Variants in C8orf34 observed in about 807,000 individuals in gnomAD.
C8orf34 encodes chromosome 8 open reading frame 34.
In C8orf34, 65 loss-of-function variants were observed where a neutral mutation model predicts 68.3. The observed-to-expected ratio is 0.95, with a 90% CI of 0.78 to 1.17. The LOEUF is 1.17. Among genes scored for constraint, C8orf34 ranks in the 50% most tolerant of loss-of-function variants. C8orf34 has a pLI of 0.00. For missense variants in C8orf34, 664 were observed against 655.4 expected (o/e 1.01, Z -0.14); for synonymous variants, 244 against 241.2 (o/e 1.01, Z -0.11).
intron 7 of C8orf34, among the ~76,000 whole-genome samples, chr8:68,624,767 G>C (rs1818487054): frequency 6.6e-6 from 1 of 151,990 alleles, no homozygotes; most frequent in Non-Finnish European, 1.5e-5. Context: ...TTGAAACAGG[G>C]TTTCACTCTG....
intron 2 of C8orf34, among the ~76,000 whole-genome samples, chr8:68,444,650 A>G (rs543095489): frequency 3.8e-4 from 58 of 152,244 alleles, no homozygotes; most frequent in African/African-American, 1.0e-3. Context: ...TACTATTAAA[A>G]TTTTCAATAT....
chr8:68,496,069 A>G (rs1345530940), intron 5 of C8orf34, among the ~76,000 whole-genome samples: 1 of 152,136 alleles, frequency 6.6e-6, no homozygotes, highest in Non-Finnish European at 1.5e-5. Context: ...TTGTTTTTAT[A>G]AAGTAGTTAA....
chr8:68,625,155 T>C (rs1008507663), intron 7 of C8orf34, among the ~76,000 whole-genome samples: 5 of 152,040 alleles, frequency 3.3e-5, no homozygotes, highest in Admixed American at 1.3e-4. Flanking sequence ...GAACACAGTA[T>C]GGGTTAGCTA....
intron 5 of C8orf34, among the ~76,000 whole-genome samples, chr8:68,502,215 G>A (rs1417902281): frequency 8.5e-5 from 13 of 152,138 alleles, no homozygotes; most frequent in Non-Finnish European, 1.3e-4. Context: ...ACAGGCGCAC[G>A]CCACCATGCC....
intron 10 of C8orf34, among the ~76,000 whole-genome samples, chr8:68,745,487 C>T (rs1293871884): frequency 2.0e-5 from 3 of 152,068 alleles, no homozygotes; most frequent in Non-Finnish European, 4.4e-5. Context: ...ATTCAGGAAA[C>T]CCATCTCACG....
intron 1 of C8orf34, among the ~76,000 whole-genome samples, chr8:68,345,823 A>G (rs1806259718): frequency 6.6e-6 from 1 of 152,044 alleles, no homozygotes; most frequent in Non-Finnish European, 1.5e-5. Context: ...TTCATCAAGT[A>G]AATTTATACA....
chr8:68,424,118 C>G (rs1413433607), intron 1 of C8orf34, among the ~76,000 whole-genome samples: 1 of 152,136 alleles, frequency 6.6e-6, no homozygotes, highest in Non-Finnish European at 1.5e-5. Context: ...TCTTCCCTCC[C>G]CCCTGCCCAT....
intron 12 of C8orf34, 95 bp downstream of exon 12, chr8:68,787,631 TA>T (rs879563590): frequency 0.14 from 75,267 of 545,660 alleles, no homozygotes; most frequent in East Asian, 0.19. Flanking sequence ...ACAACTTCTG[TA>T]AAAAAAAAAA....
chr8:68,612,195 A>G (rs916449049), intron 7 of C8orf34, among the ~76,000 whole-genome samples: 1 of 151,974 alleles, frequency 6.6e-6, no homozygotes, highest in Admixed American at 6.6e-5. Flanking sequence ...AACTAATATC[A>G]CTAACATTTA....
chr8:68,458,646 C>T (rs892849124), intron 3 of C8orf34, among the ~76,000 whole-genome samples: 9 of 152,204 alleles, frequency 5.9e-5, no homozygotes, highest in African/African-American at 2.2e-4. Context: ...GTTTTTTCCA[C>T]TCCCTCATCT....
chr8:68,415,906 T>C (rs553459523), intron 1 of C8orf34, among the ~76,000 whole-genome samples: 3 of 152,292 alleles, frequency 2.0e-5, no homozygotes, highest in South Asian at 4.1e-4. Flanking sequence ...AAATTTAAAA[T>C]CTTATGGAAG....
chr8:68,647,752 GC>G (rs781173122), intron 8 of C8orf34, among the ~76,000 whole-genome samples: 4 of 152,128 alleles, frequency 2.6e-5, no homozygotes, highest in Non-Finnish European at 4.4e-5. Flanking sequence ...AAAAATAGAA[GC>G]TTTTTTTTCA....
chr8:68,808,032 C>T (rs1824536855), intron 12 of C8orf34, among the ~76,000 whole-genome samples: 1 of 152,050 alleles, frequency 6.6e-6, no homozygotes, highest in African/African-American at 2.4e-5. Context: ...TTTAGGGTCT[C>T]AGCCTCTCAG....
At chr8:68,535,874 G>A in intron 7 of C8orf34, 1 of 980,088 alleles carries the variant, frequency 1.0e-6, no homozygotes, top group African/African-American at 1.7e-5. Flanking sequence ...AATTGGTGCT[G>A]TAATTATAGA....
At chr8:68,652,165 C>A (rs1017508924) in intron 8 of C8orf34, among the ~76,000 whole-genome samples, 9 of 152,220 alleles carry the variant, frequency 5.9e-5, no homozygotes, top group Admixed American at 6.5e-5. Context: ...AGCCAGTACT[C>A]CATGCCTATT....
chr8:68,560,138 T>G (rs1816376336), intron 7 of C8orf34, among the ~76,000 whole-genome samples: 1 of 141,034 alleles, frequency 7.1e-6, no homozygotes, highest in African/African-American at 3.0e-5. Context: ...GTCACCTGAT[T>G]CTGGTGTTTT....
At chr8:68,583,209 A>T (rs570157998) in intron 7 of C8orf34, among the ~76,000 whole-genome samples, 1 of 152,104 alleles carries the variant, frequency 6.6e-6, no homozygotes, top group Admixed American at 6.6e-5. Flanking sequence ...CCATATTCTT[A>T]TCTCCTACAG....
At chr8:68,354,234 A>G (rs1806647899) in intron 1 of C8orf34, among the ~76,000 whole-genome samples, 1 of 152,180 alleles carries the variant, frequency 6.6e-6, no homozygotes, top group African/African-American at 2.4e-5. Context: ...ATAATATAGT[A>G]TAGTTCAATT....
chr8:68,369,116 C>A (rs575260185), intron 1 of C8orf34, among the ~76,000 whole-genome samples: 1 of 152,174 alleles, frequency 6.6e-6, no homozygotes, highest in Admixed American at 6.5e-5. Context: ...CAAAAGCAGA[C>A]AAGTAATAAA....
Sources: allele counts gnomAD v4.1 joint callset (sites outside exome capture counted in the v4.1 genomes callset), GRCh38; gene constraint gnomAD v4.1.1; transcripts MANE v1.5; gene names NCBI Gene and HGNC (gene_info 2026-07-23, HGNC 2026-07-21).